The following PRTFDC1 variants were observed in gnomAD, a reference collection of about 807,000 sequenced individuals.
PRTFDC1 encodes phosphoribosyltransferase domain-containing protein 1.
In PRTFDC1, 38 loss-of-function variants were observed where a neutral mutation model predicts 34.6. The ratio of observed to expected loss-of-function variants is 1.10; its 90% CI spans 0.85 to 1.44. The LOEUF (loss-of-function observed/expected upper bound fraction) is 1.44, where lower values mean the gene tolerates loss of function less well. Among genes scored for constraint, PRTFDC1 ranks in the 40% most tolerant of loss-of-function variants. PRTFDC1 has a pLI of 0.00. For missense variants in PRTFDC1, 270 were observed against 283.0 expected (o/e 0.95, Z 0.33); for synonymous variants, 93 against 98.1 (o/e 0.95, Z 0.31).
At position 24,851,251 on chromosome 10, in the gene PRTFDC1, G is replaced by A. The variant is rs1376925039; in HGVS notation, c.630+137C>T. 5.5e-6 allele frequency: 7 copies of A among 1,274,124 alleles called. No individual in the cohort carries two copies. In the Admixed American group the frequency reaches 1.9e-4, roughly 34 times the overall value. 78.9% of individuals were successfully genotyped at this position (1,274,124 alleles called of 1,614,324 possible). On this transcript the variant is annotated intron_variant, in intron 8 of 8. Coordinates refer to ENST00000320152, the MANE Select transcript of PRTFDC1 (RefSeq NM_020200.7). ...GTAGTGGGAGTTAATTGGGAGTATG[G>A]ATGCAATGTGCTCACCATACTCCTG...
At chr10:24,903,450 A>T (rs1237816763) in intron 3 of PRTFDC1, among the ~76,000 whole-genome samples, 1 of 152,204 alleles carries the variant, frequency 6.6e-6, no homozygotes, top group African/African-American at 2.4e-5. Flanking sequence ...TTCTGAATGT[A>T]TATTGCACTT....
chr10:24,940,504 T>C (rs1470444562), intron 2 of PRTFDC1, among the ~76,000 whole-genome samples: 1 of 152,208 alleles, frequency 6.6e-6, no homozygotes, highest in African/African-American at 2.4e-5. Context: ...CACGGTGAGA[T>C]ACCATTAGAC....
chr10:24,890,079 C>T (rs775252922), intron 3 of PRTFDC1, among the ~76,000 whole-genome samples: 2 of 152,172 alleles, frequency 1.3e-5, no homozygotes, highest in Admixed American at 6.5e-5. Context: ...TTTGAAATCA[C>T]AGTGAAAAGG....
At chr10:24,912,711 A>G (rs1848643953) in intron 3 of PRTFDC1, among the ~76,000 whole-genome samples, 1 of 152,034 alleles carries the variant, frequency 6.6e-6, no homozygotes. Context: ...CATCCTTAAC[A>G]CCACTCATTC....
At chr10:24,918,330 C>T (rs1417671808) in intron 3 of PRTFDC1, among the ~76,000 whole-genome samples, 2 of 152,042 alleles carry the variant, frequency 1.3e-5, no homozygotes, top group Non-Finnish European at 2.9e-5. Flanking sequence ...TTAACTATAT[C>T]ATATCATATC....
Position 24,937,263 on chromosome 10 carries a change from T to C in PRTFDC1, c.260A>G (p.Glu87Gly), listed in dbSNP as rs1564318732. The change falls in exon 3 of 9, where the codon GAA becomes GGA. Residue 87 changes from glutamate to glycine, a missense_variant. Glu to Gly is a moderately conservative substitution (Grantham distance 98). Transcript: ENST00000320152. ...GGYKFCADLV[E>G]HLKNISRNSD... ...ATTTCGGCTGATGTTCTTAAGGTGT[T>C]CTACGAGATCAGCACAGAATTTGTA... 6 of 1,614,086 alleles carry C rather than the reference T, an allele frequency of 3.7e-6. No individual in the cohort carries two copies. Among genetic ancestry groups the C allele is most frequent in the Non-Finnish European group, 5.1e-6 (6 of 1,180,000 alleles).
intron 3 of PRTFDC1, 143 bp from the exon 4 acceptor site, chr10:24,872,206 A>G (rs1417188698): frequency 8.7e-6 from 6 of 686,944 alleles, no homozygotes; most frequent in Middle Eastern, 2.6e-4. Context: ...ATGGTTGCCT[A>G]TGGTTACCAA....
chr10:24,945,496 C>T (rs1244837509), intron 1 of PRTFDC1, among the ~76,000 whole-genome samples: 1 of 152,200 alleles, frequency 6.6e-6, no homozygotes, highest in Admixed American at 6.5e-5. Context: ...CCTCTGTTGC[C>T]TAGGCTTGAG....
chr10:24,901,828 G>C (rs1848454439), intron 3 of PRTFDC1, among the ~76,000 whole-genome samples: 1 of 152,224 alleles, frequency 6.6e-6, no homozygotes, highest in African/African-American at 2.4e-5. Context: ...ATCTCTTACT[G>C]TTGTGTTGGC....
Position 24,895,688 on chromosome 10 carries a change from G to GATATATATATATAT in PRTFDC1, c.340-23639_340-23626dup, listed in dbSNP as rs762084915. Among the ~76,000 whole-genome samples, 13 of 47,412 alleles carry GATATATATATATAT rather than the reference G, an allele frequency of 2.7e-4. 1 individual carries two copies. The highest frequency in any genetic ancestry group is 5.1e-4 in the Admixed American group (2 of 3,940). 31.1% of individuals were successfully genotyped at this position (47,412 alleles called of 152,430 possible). A position where few individuals can be genotyped will look rare whatever the true frequency, so the allele number is the denominator to read the frequency against. On this transcript the variant is annotated intron_variant, in intron 3 of 8. Coordinates refer to ENST00000320152, the MANE Select transcript of PRTFDC1 (RefSeq NM_020200.7). ...ACCTAGGAGGGCAAGAGCTGGGGTG[G>GATATATATATATAT]ATATATATATATATATATATATATA...
chr10:24,894,510 C>A (rs2132543467), intron 3 of PRTFDC1, among the ~76,000 whole-genome samples: 1 of 152,212 alleles, frequency 6.6e-6, no homozygotes, highest in South Asian at 2.1e-4. Flanking sequence ...CTGTCACAGT[C>A]ATGTGTAGTC....
chr10:24,941,560 A>AT (rs917498549), intron 2 of PRTFDC1, among the ~76,000 whole-genome samples: 3 of 152,122 alleles, frequency 2.0e-5, no homozygotes, highest in Admixed American at 1.3e-4. Context: ...CCACCCTAGA[A>AT]TATCGATTTG....
intron 3 of PRTFDC1, among the ~76,000 whole-genome samples, chr10:24,916,045 C>T (rs542964171): frequency 6.6e-6 from 1 of 152,306 alleles, no homozygotes; most frequent in African/African-American, 2.4e-5. Flanking sequence ...CAAAGCTCCT[C>T]TTTTCACAAT....
chr10:24,887,300 T>C (rs187184950), intron 3 of PRTFDC1, among the ~76,000 whole-genome samples: 282 of 152,298 alleles, frequency 1.9e-3, no homozygotes, highest in Non-Finnish European at 2.7e-3. Context: ...GGTTTGGCCA[T>C]GTCCCCACTC....
At chr10:24,906,531 T>A (rs774556448) in intron 3 of PRTFDC1, among the ~76,000 whole-genome samples, 20 of 151,732 alleles carry the variant, frequency 1.3e-4, no homozygotes, top group Admixed American at 1.3e-4. Flanking sequence ...AAATGACTTG[T>A]ATGAATGAAT....
chr10:24,910,381 A>G (rs1244318150), intron 3 of PRTFDC1, among the ~76,000 whole-genome samples: 3 of 152,232 alleles, frequency 2.0e-5, no homozygotes, highest in Non-Finnish European at 4.4e-5. Context: ...TCATCTAACA[A>G]CTGATAGATT....
intron 1 of PRTFDC1, chr10:24,951,640 C>T: frequency 1.0e-6 from 1 of 980,762 alleles, no homozygotes; most frequent in Non-Finnish European, 1.2e-6. Context: ...CCCCACCCAC[C>T]ATCCTCACCA....
chr10:24,871,100 G>T (rs1847861411), intron 4 of PRTFDC1, among the ~76,000 whole-genome samples: 1 of 150,312 alleles, frequency 6.7e-6, no homozygotes, highest in African/African-American at 2.4e-5. Context: ...AGTCCTTGTG[G>T]CTCTATAGCC....
intron 2 of PRTFDC1, 121 bp downstream of exon 2, chr10:24,942,209 A>C: frequency 4.2e-6 from 3 of 720,626 alleles, no homozygotes; most frequent in Non-Finnish European, 7.2e-6. Flanking sequence ...CCTATATAAA[A>C]GTTCTCTCTA....
Sources: allele counts gnomAD v4.1 joint callset (sites outside exome capture counted in the v4.1 genomes callset), GRCh38; gene constraint gnomAD v4.1.1; transcripts MANE v1.5; gene names NCBI Gene and HGNC (gene_info 2026-07-23, HGNC 2026-07-21).